Variants in SDSL observed in about 807,000 individuals in gnomAD.
SDSL encodes the protein serine dehydratase-like.
SDSL carries 26 observed loss-of-function variants against 27.6 expected under a neutral mutation model. That is an observed-to-expected ratio of 0.94 (90% CI 0.69 to 1.31). The LOEUF (loss-of-function observed/expected upper bound fraction) is 1.31, where lower values mean the gene tolerates loss of function less well. Among genes scored for constraint, SDSL ranks in the 50% most tolerant of loss-of-function variants. SDSL has a pLI of 0.00. For synonymous variants in SDSL, 196 were observed against 180.6 expected (o/e 1.09, Z -0.69); for missense variants, 431 against 423.5 (o/e 1.02, Z -0.16).
intron 4 of SDSL, among the ~76,000 whole-genome samples, chr12:113,432,261 T>TTTCTTTCTTTCTTTCTTTTTTTC (rs1565879115): frequency 7.0e-6 from 1 of 142,268 alleles, no homozygotes; most frequent in African/African-American, 2.7e-5. Context: ...TCTTTCTTTC[T>TTTCTTTCTTTCTTTCTTTTTTTC]TTCTTTCTTT....
intron 4 of SDSL, among the ~76,000 whole-genome samples, chr12:113,430,314 C>T (rs1957905914): frequency 6.6e-6 from 1 of 152,122 alleles, no homozygotes; most frequent in Non-Finnish European, 1.5e-5. Flanking sequence ...AAAGTGTTGC[C>T]ACGGGGGAAG....
chr12:113,430,116 T>TTCCA (rs750497934), intron 4 of SDSL, among the ~76,000 whole-genome samples: 24 of 148,360 alleles, frequency 1.6e-4, no homozygotes, highest in South Asian at 8.4e-4. Context: ...TCTCCCTTCT[T>TTCCA]TCCATCCATC....
chr12:113,424,986 T>C (rs908115165), intron 1 of SDSL, among the ~76,000 whole-genome samples: 1 of 152,182 alleles, frequency 6.6e-6, no homozygotes, highest in African/African-American at 2.4e-5. Context: ...TCCACCCGCC[T>C]CAGCCTCCCA....
Position 113,428,157 on chromosome 12 carries a change from G to T in SDSL, c.174+1G>T, listed in dbSNP as rs1190714258. 2.5e-6 allele frequency: 4 copies of T among 1,606,460 alleles called. No individual in the cohort carries two copies. Among genetic ancestry groups the T allele is most frequent in the Admixed American group, 1.7e-5 (1 of 59,014 alleles). On this transcript the variant is annotated splice_donor_variant, in intron 2 of 7. Transcript: ENST00000403593. LOFTEE classifies it high-confidence loss of function. ...GGGCATTGGGCATTTCTGCCAGGAG[G>T]TGAGGGTGTGTGGGAAGGAGGGGAG...
At chr12:113,430,596 C>T (rs112897302) in intron 4 of SDSL, among the ~76,000 whole-genome samples, 193 of 152,188 alleles carry the variant, frequency 1.3e-3, no homozygotes, top group African/African-American at 4.0e-3. Context: ...TGAGAAGAAA[C>T]GCATGACGGC....
At chr12:113,422,684 C>T (rs1476482027) in intron 1 of SDSL, 1 of 152,242 alleles carries the variant, frequency 6.6e-6, no homozygotes, top group East Asian at 1.9e-4. Context: ...GTGCTGGGGA[C>T]CCTGAAGGGC....
chr12:113,434,259 T>C, intron 5 of SDSL, 37 bp downstream of exon 5: 2 of 1,488,162 alleles, frequency 1.3e-6, no homozygotes, highest in Non-Finnish European at 9.2e-7. Context: ...AGTCCAGAGC[T>C]GGGAGACCTT....
rs183423249 is a variant in SDSL, at chr12:113,434,412, A to T, written c.443+190A>T. The stretch of plus-strand genomic sequence containing the variant: ...TGGGACTTTGTGCAAAGCACCCCAG[A>T]TCCTGTGCCTCAGTTTCTATGTGTG... On this transcript the variant is annotated intron_variant, in intron 5 of 7. Coordinates refer to ENST00000403593, the MANE Select transcript of SDSL (RefSeq NM_001304993.2). Among the ~76,000 whole-genome samples, 38 of 152,328 alleles carry T rather than the reference A, an allele frequency of 2.5e-4. No homozygotes were observed. The East Asian group carries it at 7.1e-3, about 29-fold the overall frequency.
At chr12:113,432,295 TC>T (rs1957943295) in intron 4 of SDSL, among the ~76,000 whole-genome samples, 2 of 148,100 alleles carry the variant, frequency 1.4e-5, no homozygotes, top group African/African-American at 5.1e-5. Flanking sequence ...TTTCTTTCTC[TC>T]TCTCTCTTTC....
In SDSL at chr12:113,437,981, C is replaced by A; in HGVS notation, c.892C>A (p.Pro298Thr). The change falls in exon 8 of 8, where the codon CCC (proline) becomes ACC (threonine). Residue 298 changes from proline to threonine, a missense_variant. By Grantham distance (38) the Pro-to-Thr change is conservative. Coordinates refer to ENST00000403593, the MANE Select transcript of SDSL (RefSeq NM_001304993.2). ...GAGGCTCCAGGCCGAGGGCTGCCTGCCCCCTTCCCTGACTTCAGTTGTGGT... is the reference window on the plus strand; with the variant it reads ...GAGGCTCCAGGCCGAGGGCTGCCTGACCCCTTCCCTGACTTCAGTTGTGGT... ...LRRLQAEGCL[P>T]PSLTSVVVIV... 1 of 1,614,096 alleles carries A rather than the reference C, an allele frequency of 6.2e-7. No individual in the cohort carries two copies. The highest frequency in any genetic ancestry group is 1.1e-5 in the South Asian group (1 of 91,080).
chr12:113,435,130 A>G (rs778085861), intron 5 of SDSL, among the ~76,000 whole-genome samples, 199 bp from the exon 6 acceptor site: 2 of 152,132 alleles, frequency 1.3e-5, no homozygotes, highest in Non-Finnish European at 2.9e-5. Flanking sequence ...ATAAAAATAA[A>G]GAGAATGAAT....
chr12:113,432,338 G>C (rs1339311920), intron 4 of SDSL, among the ~76,000 whole-genome samples: 1 of 137,830 alleles, frequency 7.3e-6, no homozygotes, highest in African/African-American at 2.7e-5. Context: ...CTCTGTCTCT[G>C]TCTCTCTCTT....
chr12:113,435,597 G>A (rs982249631), intron 6 of SDSL, 41 bp downstream of exon 6: 16 of 1,547,754 alleles, frequency 1.0e-5, no homozygotes, highest in African/African-American at 1.4e-5. Flanking sequence ...CTGGAGGGTG[G>A]GTGTGCCACT....
chr12:113,436,984 A>G (rs937528644), intron 7 of SDSL, 109 bp downstream of exon 7: 30 of 1,173,002 alleles, frequency 2.6e-5, no homozygotes, highest in Non-Finnish European at 3.4e-5. Context: ...GGCACTGGCT[A>G]GGTGTGCAGT....
rs1362526943 is a variant in SDSL, at chr12:113,427,605, G to A, written c.-21-357G>A. Among the ~76,000 whole-genome samples, 8 of 152,236 alleles carry A rather than the reference G, an allele frequency of 5.3e-5. No individual in the cohort carries two copies. In the East Asian group the frequency reaches 1.5e-3, roughly 29 times the overall value. On this transcript the variant is annotated intron_variant, in intron 1 of 7. Coordinates refer to ENST00000403593, the MANE Select transcript of SDSL (RefSeq NM_001304993.2). ...CCTAGTGGGAGGTTTTTTATGACTC[G>A]TGGGTCCCCAAACCTGGAAATGCCT...
Position 113,436,847 on chromosome 12 carries a change from G to C in SDSL, c.768G>C (p.Glu256Asp). 1 of 1,610,720 alleles carries C rather than the reference G, an allele frequency of 6.2e-7. No homozygotes were observed. Among genetic ancestry groups the C allele is most frequent in the Non-Finnish European group, 8.5e-7 (1 of 1,179,232 alleles). Residue 256 changes from glutamate (E) to aspartate (D), a missense_variant, in exon 7 of 8, where the codon GAG becomes GAC. By Grantham distance (45) the Glu-to-Asp change is conservative. Transcript: ENST00000403593. ...KIHSEVVEDT[E>D]AVSAVQQLLD... ...ACTCTGAAGTGGTGGAGGACACCGA[G>C]GCTGTGAGCGCTGTGCAGCAGCTCC...
At chr12:113,431,680 TCTC>T (rs1957923421) in intron 4 of SDSL, among the ~76,000 whole-genome samples, 1 of 151,252 alleles carries the variant, frequency 6.6e-6, no homozygotes, top group Admixed American at 6.6e-5. Context: ...TTCAAGCAAT[TCTC>T]CTGCCTTGGC....
chr12:113,429,384 TC>T, intron 4 of SDSL, 85 bp downstream of exon 4: 1 of 1,422,154 alleles, frequency 7.0e-7, no homozygotes, highest in Non-Finnish European at 9.7e-7. Context: ...TGTCTCCTTT[TC>T]CTTTCGATGA....
chr12:113,427,191 C>G (rs1957860447), intron 1 of SDSL: 1 of 152,408 alleles, frequency 6.6e-6, no homozygotes. Context: ...TCACTGCAAC[C>G]TCCGCCTCCC....
Sources: gnomAD v4.1 joint callset for allele counts (sites outside exome capture counted in the v4.1 genomes callset) on GRCh38, gnomAD v4.1.1 for gene constraint, MANE v1.5 for transcripts, NCBI Gene and HGNC (gene_info 2026-07-23, HGNC 2026-07-21) for gene names.